Variants in USP35 observed in about 807,000 individuals in gnomAD.
The protein encoded by USP35 is ubiquitin carboxyl-terminal hydrolase 35.
A neutral mutation model predicts 83.8 loss-of-function variants in USP35; 69 were observed. The observed-to-expected ratio is 0.82, with a 90% CI of 0.68 to 1.01. The LOEUF is 1.01. Ranked by LOEUF, USP35 falls within the 50% of genes least tolerant of loss-of-function variation. The pLI is 0.00. For missense variants in USP35, 1,503 were observed against 1,362.5 expected, an observed-to-expected ratio of 1.10 and a Z score of -1.62; for synonymous variants, 714 against 589.5, an observed-to-expected ratio of 1.21 and a Z score of -3.06.
chr11:78,204,111 C>T (rs1294148444), intron 6 of USP35, among the ~76,000 whole-genome samples: 8 of 151,756 alleles, frequency 5.3e-5, no homozygotes, highest in Non-Finnish European at 1.2e-4. Flanking sequence ...GGGATGGTCT[C>T]GATCTCCTGA....
Position 78,214,234 on chromosome 11 carries a change from A to AGAGGGGGGGGGG in USP35, c.*422_*423insAGGGGGGGGGGG, listed in dbSNP as rs1275222810. 1 of 96,202 alleles carries AGAGGGGGGGGGG rather than the reference A, an allele frequency of 1.0e-5. No homozygotes were observed. 6.0% of individuals were successfully genotyped at this position (96,202 alleles called of 1,614,324 possible). Reference sequence around the variant, plus strand: ...ACAGCAGGATCCAAGCCTTGCACAAAGGGGTGGGGGGGGCAGTGTCTCCTC... The same window carrying AGAGGGGGGGGGG: ...ACAGCAGGATCCAAGCCTTGCACAAAGAGGGGGGGGGGGGGGTGGGGGGGGCAGTGTCTCCTC... On this transcript the variant is annotated 3_prime_UTR_variant, in exon 11 of 11. Transcript: ENST00000529308.
chr11:78,222,799 T>C, the USP35 span, among the ~76,000 whole-genome samples: 11 of 152,230 alleles, frequency 7.2e-5, no homozygotes, highest in South Asian at 2.3e-3. Context: ...GCCAGGCTGG[T>C]CTCGAACTTC....
intron 6 of USP35, among the ~76,000 whole-genome samples, chr11:78,202,775 T>C (rs554252699): frequency 2.6e-5 from 4 of 152,310 alleles, no homozygotes; most frequent in African/African-American, 9.6e-5. Flanking sequence ...GACTTCCCTG[T>C]GTCAGGTGTG....
chr11:78,219,537 C>T, downstream of USP35: 1 of 853,926 alleles, frequency 1.2e-6, no homozygotes, highest in Admixed American at 2.1e-5. Context: ...CCTCTGCCTG[C>T]CACTGACCAG....
chr11:78,220,458 G>GA, the USP35 span: 3 of 1,551,136 alleles, frequency 1.9e-6, no homozygotes, highest in Non-Finnish European at 2.6e-6. Flanking sequence ...TCACGAGGAG[G>GA]AAAAAACTGT....
At chr11:78,205,821 G>T in intron 6 of USP35, 21 bp from the exon 7 acceptor site, 1 of 1,593,676 alleles carries the variant, frequency 6.3e-7, no homozygotes, top group Non-Finnish European at 8.6e-7. Flanking sequence ...CATCCTGCCT[G>T]CCTGCTTATT....
At chr11:78,227,177 T>G in the USP35 span, 2,080 of 658,458 alleles carry the variant, frequency 3.2e-3, 33 homozygotes, top group African/African-American at 0.032. Flanking sequence ...TAAAAGCATA[T>G]TTTGAAGGTT....
the USP35 span, chr11:78,226,620 G>GGGGGGGCGCC: frequency 6.7e-7 from 1 of 1,500,584 alleles, no homozygotes; most frequent in Non-Finnish European, 9.3e-7. Flanking sequence ...GCGGGGTGGG[G>GGGGGGGCGCC]GAGCTATGGC....
At chr11:78,190,243 T>G (rs1161451330) in intron 1 of USP35, among the ~76,000 whole-genome samples, 1 of 152,144 alleles carries the variant, frequency 6.6e-6, no homozygotes, top group Non-Finnish European at 1.5e-5. Context: ...AGATTTTTGT[T>G]TTGTTTTGTT....
At position 78,196,138 on chromosome 11, in the gene USP35, T is replaced by G; in HGVS notation, c.-10-98T>G. 2 of 1,441,438 alleles carry G rather than the reference T, an allele frequency of 1.4e-6. No homozygotes were observed. The highest frequency in any genetic ancestry group is 1.8e-6 in the Non-Finnish European group (2 of 1,104,504). The allele number at this position is 1,441,438 out of a possible 1,614,324, so 89.3% of individuals were successfully genotyped here. ...TGAGAAAACTGAGGCCCAGAAAGTT[T>G]GAGTTGCTTGCCCTAAGTCTCAGCA... On this transcript the variant is annotated intron_variant, in intron 1 of 10. Coordinates refer to ENST00000529308, the MANE Select transcript of USP35 (RefSeq NM_020798.4). This position sits in a 1 kb window ranked among gnomAD's most constrained non-coding sequence, Gnocchi z 4.8.
At chr11:78,220,230 G>T, downstream of USP35, 1 of 1,390,798 alleles carries the variant, frequency 7.2e-7, no homozygotes. Context: ...GAGTGCTGCT[G>T]TTCAGTGTTG....
rs1018319542 is a variant in USP35 at position 78,196,695 on chromosome 11, C to G, written c.450C>G (p.Arg150=). 6.4e-4 allele frequency: 962 copies of G among 1,514,512 alleles called. No individual in the cohort carries two copies. Among genetic ancestry groups the G allele is most frequent in the Non-Finnish European group, 8.0e-4 (909 of 1,137,550 alleles). The allele number at this position is 1,514,512 out of a possible 1,614,324, so 93.8% of individuals were successfully genotyped here. A position where few individuals can be genotyped will look rare whatever the true frequency, so the allele number is the denominator to read the frequency against. Reference sequence around the variant, plus strand: ...CGCAGGTGGCACGGCTGCTGGCTCGCCACCCGCGCTGTGTGCCCGACGGAC... The same window carrying G: ...CGCAGGTGGCACGGCTGCTGGCTCGGCACCCGCGCTGTGTGCCCGACGGAC... ...ACAQVARLLA[R]HPRCVPDGPH... The change falls in exon 2 of 11, where the codon CGC becomes CGG. Residue 150 remains arginine (R), a synonymous_variant. Coordinates refer to ENST00000529308, the MANE Select transcript of USP35 (RefSeq NM_020798.4). The surrounding 1 kb of genome is among the most constrained non-coding windows in gnomAD (Gnocchi z 4.8).
intron 6 of USP35, among the ~76,000 whole-genome samples, chr11:78,201,671 G>GAT (rs1863364275): frequency 6.6e-6 from 1 of 152,168 alleles, no homozygotes; most frequent in African/African-American, 2.4e-5. Flanking sequence ...CTACACTTGA[G>GAT]ATTATTTTCC....
At position 78,210,615 on chromosome 11, in the gene USP35, G is replaced by A; in HGVS notation, c.2760G>A (p.Val920=). Residue 920 remains valine, a synonymous_variant, in exon 10 of 11, where the codon GTG becomes GTA. Transcript: ENST00000529308. ...TSFFPKDTAY[V]LFYRQRPREG... ...TCTTCCCTAAGGACACAGCCTATGT[G>A]CTGTTTTACCGGCAGCGGCCCAGGG... is the stretch of plus-strand genomic sequence containing the variant. The A allele has an allele frequency of 6.2e-7, 1 of 1,614,196 alleles. No individual in the cohort carries two copies.
chr11:78,197,947 C>G lies in USP35; in HGVS notation c.685C>G (p.Pro229Ala). 1 of 1,614,130 alleles carries G rather than the reference C, an allele frequency of 6.2e-7. No individual in the cohort carries two copies. Among genetic ancestry groups the G allele is most frequent in the East Asian group, 2.2e-5 (1 of 44,878 alleles). Residue 229 changes from proline to alanine, a missense_variant, in exon 3 of 11, where the codon CCA (proline) becomes GCA (alanine). Transcript: ENST00000529308. ...GTCCCCTGTTCCAGAGGAGGAGCCA[C>G]CATCTAGCGCCCTGGCCAGCGTGGT... is the stretch of plus-strand genomic sequence containing the variant. ...AVISCAEEEPPSSALASVVQH... is the reference protein window; with the variant it reads ...AVISCAEEEPASSALASVVQH...
intron 1 of USP35, among the ~76,000 whole-genome samples, chr11:78,195,833 C>A (rs557054492): frequency 6.6e-6 from 1 of 152,142 alleles, no homozygotes; most frequent in Non-Finnish European, 1.5e-5. Context: ...CAGGCCCAAG[C>A]GAGCCTCCCA....
the USP35 span, chr11:78,226,816 C>G: frequency 6.2e-7 from 1 of 1,614,098 alleles, no homozygotes; most frequent in Non-Finnish European, 8.5e-7. Flanking sequence ...TTATCTGTCT[C>G]GGAGCCTGTG....
At chr11:78,225,323 C>A in the USP35 span, 2 of 635,562 alleles carry the variant, frequency 3.1e-6, no homozygotes, top group East Asian at 2.8e-5. Flanking sequence ...ACTCTCAACC[C>A]CAAATGATAA....
intron 1 of USP35, among the ~76,000 whole-genome samples, chr11:78,195,615 T>A (rs779962346): frequency 4.6e-5 from 7 of 152,092 alleles, no homozygotes; most frequent in Non-Finnish European, 1.0e-4. Context: ...TTACCTGCCC[T>A]GAGAGTGGAC....
Sources: allele counts gnomAD v4.1 joint callset (sites outside exome capture counted in the v4.1 genomes callset), GRCh38; gene constraint gnomAD v4.1.1; non-coding constraint Gnocchi (gnomAD v3.1); transcripts MANE v1.5; gene names NCBI Gene and HGNC (gene_info 2026-07-23, HGNC 2026-07-21).